Variants in DIP2A observed in about 807,000 individuals in gnomAD.
DIP2A encodes the protein disco-interacting protein 2 homolog A.
Under a neutral mutation model 177.4 loss-of-function variants are expected in DIP2A, and 85 were observed. The observed-to-expected ratio is 0.48, with a 90% CI of 0.40 to 0.57. DIP2A has a LOEUF of 0.57. Among genes scored for constraint, DIP2A ranks in the 20% least tolerant of loss-of-function variants. The pLI is 0.00. For synonymous variants in DIP2A, 886 were observed against 881.8 expected, an observed-to-expected ratio of 1.00 and a Z score of -0.08; for missense variants, 1,791 against 2,100.2, an observed-to-expected ratio of 0.85 and a Z score of 2.88.
chr21:46,535,051 G>A (rs903325152), intron 13 of DIP2A, among the ~76,000 whole-genome samples: 18 of 152,172 alleles, frequency 1.2e-4, no homozygotes, highest in Non-Finnish European at 2.5e-4. Flanking sequence ...CTTACTCTGT[G>A]ACATACTGAG....
chr21:46,571,523 A>G (rs1337145786), downstream of DIP2A, among the ~76,000 whole-genome samples: 1 of 152,210 alleles, frequency 6.6e-6, no homozygotes, highest in Admixed American at 6.5e-5. Flanking sequence ...GGTTCTTCCT[A>G]TCCATGAACA....
chr21:46,550,228 T>G, intron 22 of DIP2A: 1 of 659,744 alleles, frequency 1.5e-6, no homozygotes, highest in Non-Finnish European at 2.5e-6. Flanking sequence ...GAAAAAACTT[T>G]CCTCCTCCTG....
chr21:46,547,853 A>G (rs2060120349), intron 21 of DIP2A, among the ~76,000 whole-genome samples: 1 of 151,540 alleles, frequency 6.6e-6, no homozygotes, highest in African/African-American at 2.4e-5. Context: ...ATTTTTTTGT[A>G]GAGATAGGGT....
At chr21:46,474,019 A>G (rs1338890289) in intron 1 of DIP2A, among the ~76,000 whole-genome samples, 2 of 152,196 alleles carry the variant, frequency 1.3e-5, no homozygotes, top group Non-Finnish European at 2.9e-5. Flanking sequence ...GGGGGACAGA[A>G]AAGTTAGCTT....
rs147310213 is a variant in DIP2A, at chr21:46,461,033, A to G, written c.91+1811A>G. On this transcript the variant is annotated intron_variant, in intron 1 of 37. Coordinates refer to ENST00000417564, the MANE Select transcript of DIP2A (RefSeq NM_015151.4). ...AAAAATGGAAGTACAGGCTGAGTAC[A>G]CAGTGGCTCATGCTTGTAATCCCAA... 1.5e-4 allele frequency among the ~76,000 whole-genome samples: 23 copies of G among 151,888 alleles called. No individual in the cohort carries two copies. In the East Asian group the frequency reaches 3.3e-3, roughly 22 times the overall value.
Position 46,563,909 on chromosome 21 carries a change from T to C in DIP2A, c.4141T>C (p.Leu1381=). The C allele has an allele frequency of 6.2e-7, 1 of 1,613,216 alleles. No individual in the cohort carries two copies. Among genetic ancestry groups the C allele is most frequent in the Non-Finnish European group, 8.5e-7 (1 of 1,179,740 alleles). ...IIAHTETKGP[L]GDSHLGEIWV... is the part of the protein sequence containing the mutation. Reference sequence around the variant, plus strand: ...CGCACACACCGAGACCAAAGGACCCTTGGGAGACTCACACCTGGGAGAGGT... The same window carrying C: ...CGCACACACCGAGACCAAAGGACCCCTGGGAGACTCACACCTGGGAGAGGT... The change falls in exon 35 of 38, where the codon TTG becomes CTG. Residue 1381 remains leucine, a synonymous_variant. Coordinates refer to ENST00000417564, the MANE Select transcript of DIP2A (RefSeq NM_015151.4). The surrounding 1 kb of genome is among the most constrained non-coding windows in gnomAD (Gnocchi z 4.3).
At chr21:46,506,923 C>T (rs1233050629) in intron 6 of DIP2A, among the ~76,000 whole-genome samples, 2 of 150,910 alleles carry the variant, frequency 1.3e-5, no homozygotes, top group African/African-American at 2.4e-5. Context: ...GCCTCAGTCT[C>T]GTGAGTAGCT....
intron 21 of DIP2A, among the ~76,000 whole-genome samples, chr21:46,547,541 G>T (rs948906538): frequency 6.6e-6 from 1 of 151,998 alleles, no homozygotes; most frequent in Non-Finnish European, 1.5e-5. Context: ...ACAGGGGCCA[G>T]GAAGAGAATT....
rs372337809 is a variant in DIP2A, at chr21:46,560,920, G to A, written c.4031+137G>A. 1.1e-5 allele frequency: 17 copies of A among 1,481,504 alleles called. No homozygotes were observed. In the African/African-American group the frequency reaches 2.1e-4, roughly 18 times the overall value. 91.8% of individuals were successfully genotyped at this position (1,481,504 alleles called of 1,614,324 possible). A position where few individuals can be genotyped will look rare whatever the true frequency, so the allele number is the denominator to read the frequency against. The stretch of plus-strand genomic sequence containing the variant: ...CCAAGTCAGGCCTACCGGGACACCT[G>A]GATGGGCACATGAGAGGACAGCTGG... On this transcript the variant is annotated intron_variant, in intron 33 of 37. Coordinates refer to ENST00000417564, the MANE Select transcript of DIP2A (RefSeq NM_015151.4).
At position 46,534,635 on chromosome 21, in the gene DIP2A, A is replaced by G; in HGVS notation, c.1590A>G (p.Ala530=). 6.2e-7 allele frequency: 1 copy of G among 1,612,818 alleles called. No individual in the cohort carries two copies. Among genetic ancestry groups the G allele is most frequent in the Non-Finnish European group, 8.5e-7 (1 of 1,179,870 alleles). ...GSTVGVTVSH[A]SLLAQCRALT... ...CGGTGGGGGTCACAGTGTCCCACGC[A>G]TCCCTGCTGGCACAGTGCCGGGCTC... The change falls in exon 13 of 38, where the codon GCA becomes GCG. Residue 530 remains alanine (A), a synonymous_variant. Transcript: ENST00000417564.
At chr21:46,487,250 A>G (rs1397293628) in intron 2 of DIP2A, among the ~76,000 whole-genome samples, 1 of 152,258 alleles carries the variant, frequency 6.6e-6, no homozygotes, top group East Asian at 1.9e-4. Flanking sequence ...ACAGATCAAC[A>G]ACAACAAGAA....
At chr21:46,497,385 A>G (rs1476659440) in intron 4 of DIP2A, among the ~76,000 whole-genome samples, 1 of 152,200 alleles carries the variant, frequency 6.6e-6, no homozygotes, top group African/African-American at 2.4e-5. Context: ...TTTAGTAAAG[A>G]GAAGAACCTA....
At chr21:46,530,706 G>C (rs1255639057) in intron 9 of DIP2A, among the ~76,000 whole-genome samples, 2 of 152,118 alleles carry the variant, frequency 1.3e-5, no homozygotes. Context: ...AGTAATTCAG[G>C]ACAATATCCC....
intron 21 of DIP2A, 60 bp from the exon 22 acceptor site, chr21:46,549,711 A>G (rs2060196972): frequency 1.9e-6 from 3 of 1,600,804 alleles, no homozygotes; most frequent in East Asian, 2.2e-5. Flanking sequence ...GAGGGTGAGA[A>G]TGCATCTGTG....
intron 8 of DIP2A, among the ~76,000 whole-genome samples, chr21:46,526,986 C>G (rs910798338): frequency 6.7e-6 from 1 of 149,462 alleles, no homozygotes; most frequent in African/African-American, 2.6e-5. Context: ...AAAGATGCCC[C>G]TTATCACATT....
intron 15 of DIP2A, among the ~76,000 whole-genome samples, chr21:46,538,117 G>T (rs998613648): frequency 2.6e-5 from 4 of 152,224 alleles, no homozygotes; most frequent in East Asian, 3.9e-4. Context: ...GAGACCATCT[G>T]TTTAGCTTCT....
chr21:46,547,291 G>A, intron 21 of DIP2A: 2 of 1,128,998 alleles, frequency 1.8e-6, no homozygotes, highest in Non-Finnish European at 2.3e-6. Context: ...TTGGGGCAAA[G>A]GCTCAAGGGG....
chr21:46,552,919 T>TATCAATACA (rs1233209024), intron 25 of DIP2A: 1 of 152,138 alleles, frequency 6.6e-6, no homozygotes, highest in East Asian at 1.9e-4. Context: ...ATCAATACAG[T>TATCAATACA]GGAGTGATGT....
In DIP2A at chr21:46,509,183, C is replaced by T. The variant is rs1306844054; in HGVS notation, c.785-74C>T. The T allele has an allele frequency of 2.7e-6, 4 of 1,500,666 alleles. No individual in the cohort carries two copies. In the African/African-American group the frequency reaches 4.2e-5, roughly 16 times the overall value. The allele number at this position is 1,500,666 out of a possible 1,614,324, so 93.0% of individuals were successfully genotyped here. ...GCTCTGATGCATCGTGTGGTTTGTC[C>T]TTGGACCTTACACCTGTGTCCACTT... On this transcript the variant is annotated intron_variant, in intron 6 of 37. Transcript: ENST00000417564.
Sources: gnomAD v4.1 joint callset for allele counts (sites outside exome capture counted in the v4.1 genomes callset) on GRCh38, gnomAD v4.1.1 for gene constraint, Gnocchi (gnomAD v3.1) non-coding constraint, MANE v1.5 for transcripts, NCBI Gene and HGNC (gene_info 2026-07-23, HGNC 2026-07-21) for gene names.